Variants in TRPC5 observed in about 807,000 individuals in gnomAD.
TRPC5 encodes short transient receptor potential channel 5.
A neutral mutation model predicts 56.5 loss-of-function variants in TRPC5; 9 were observed. The ratio of observed to expected loss-of-function variants is 0.16; its 90% CI spans 0.10 to 0.28. The LOEUF is 0.28. Ranked by LOEUF, TRPC5 falls within the 10% of genes least tolerant of loss-of-function variation. The probability of loss-of-function intolerance (pLI) is 1.00; values close to 1 mark genes in which losing one functional copy is unlikely to be tolerated. For missense variants in TRPC5, 469 were observed against 748.9 expected (o/e 0.63, Z 4.36); for synonymous variants, 282 against 278.5 (o/e 1.01, Z -0.13).
intron 1 of TRPC5, among the ~76,000 whole-genome samples, chrX:112,028,169 C>A (rs1265275714): frequency 2.7e-5 from 3 of 112,226 alleles, no homozygotes; most frequent in Non-Finnish European, 5.6e-5. Flanking sequence ...AAGGAATACT[C>A]AAGTTCAAAG....
intron 1 of TRPC5, among the ~76,000 whole-genome samples, chrX:111,979,353 T>A (rs1007133392): frequency 9.0e-6 from 1 of 111,429 alleles, no homozygotes; most frequent in Non-Finnish European, 1.9e-5. Context: ...GTGTAAGGCC[T>A]AAAATCATAA....
chrX:111,793,065 AAT>A, intron 7 of TRPC5, among the ~76,000 whole-genome samples: 1 of 111,294 alleles, frequency 9.0e-6, no homozygotes, highest in Non-Finnish European at 1.9e-5. Context: ...GGGAGTCATC[AAT>A]GGTAAGCAGA....
chrX:112,035,616 A>G (rs1929715692), intron 1 of TRPC5, among the ~76,000 whole-genome samples: 1 of 109,103 alleles, frequency 9.2e-6, no homozygotes, highest in Non-Finnish European at 1.9e-5. Flanking sequence ...TTATGTGTAT[A>G]TGTTATTTAT....
At chrX:111,919,358 G>A (rs1454045931) in intron 2 of TRPC5, among the ~76,000 whole-genome samples, 1 of 111,816 alleles carries the variant, frequency 8.9e-6, no homozygotes, top group Non-Finnish European at 1.9e-5. Flanking sequence ...ACCCGCTCGG[G>A]TCCCCTTCCA....
rs1000825649 is a variant in TRPC5, at chrX:112,073,909, C to A, written c.-22+7970G>T. On this transcript the variant is annotated intron_variant, in intron 1 of 10. Coordinates refer to ENST00000262839, the MANE Select transcript of TRPC5 (RefSeq NM_012471.3). Reference sequence around the variant, plus strand: ...CATCACACATCACACAGCCATTCAACATTATTGTTTCTTTACAGTGTATTT... The same window carrying A: ...CATCACACATCACACAGCCATTCAAAATTATTGTTTCTTTACAGTGTATTT... 3.4e-4 allele frequency among the ~76,000 whole-genome samples: 38 copies of A among 111,854 alleles called. 1 individual carries two copies. Among genetic ancestry groups the A allele is most frequent in the Non-Finnish European group, 1.3e-4 (7 of 53,221 alleles).
At chrX:112,017,427 C>T (rs1333424314) in intron 1 of TRPC5, among the ~76,000 whole-genome samples, 1 of 110,811 alleles carries the variant, frequency 9.0e-6, no homozygotes, top group Non-Finnish European at 1.9e-5. Flanking sequence ...ATTTTCGGCC[C>T]CAGTGATAGC....
chrX:111,963,283 C>T (rs1603119735), intron 1 of TRPC5, among the ~76,000 whole-genome samples: 1 of 112,401 alleles, frequency 8.9e-6, no homozygotes, highest in African/African-American at 3.2e-5. Context: ...GGGAGGGGCG[C>T]CTGCCATTGC....
chrX:111,783,456 T>C (rs1035009383), intron 7 of TRPC5, among the ~76,000 whole-genome samples: 4 of 111,279 alleles, frequency 3.6e-5, no homozygotes, highest in African/African-American at 1.3e-4. Flanking sequence ...TTTTAAAGTT[T>C]AGTCATTCTA....
At position 111,882,719 on chromosome X, in the gene TRPC5, A is replaced by G. The variant is rs188418313; in HGVS notation, c.901-28613T>C. 3.0e-3 allele frequency among the ~76,000 whole-genome samples: 339 copies of G among 112,689 alleles called. 1 individual carries two copies. The highest frequency in any genetic ancestry group is 0.014 in the Middle Eastern group (3 of 217). ...TCTCACCAGGGGCTAAGCCCACCTA[A>G]GGCCTACTCAGATATCAGTTAGGTG... On this transcript the variant is annotated intron_variant, in intron 3 of 10. Coordinates refer to ENST00000262839, the MANE Select transcript of TRPC5 (RefSeq NM_012471.3).
At chrX:111,787,645 A>G (rs1305714204) in intron 7 of TRPC5, among the ~76,000 whole-genome samples, 2 of 111,087 alleles carry the variant, frequency 1.8e-5, no homozygotes, top group African/African-American at 3.3e-5. Flanking sequence ...GAAAAGATCA[A>G]CAAAATTGAT....
At chrX:111,841,239 C>T (rs1922720015) in intron 6 of TRPC5, among the ~76,000 whole-genome samples, 1 of 112,289 alleles carries the variant, frequency 8.9e-6, no homozygotes, top group African/African-American at 3.2e-5. Flanking sequence ...TCACAGTGGC[C>T]TGCTAGGTCA....
At chrX:111,795,297 G>A (rs901482443) in intron 7 of TRPC5, among the ~76,000 whole-genome samples, 1 of 110,525 alleles carries the variant, frequency 9.0e-6, no homozygotes, top group African/African-American at 3.3e-5. Context: ...TTTATATCAG[G>A]TTGTGGAAGT....
chrX:111,786,861 G>C (rs1243296439), intron 7 of TRPC5, among the ~76,000 whole-genome samples: 1 of 111,801 alleles, frequency 8.9e-6, no homozygotes, highest in African/African-American at 3.3e-5. Flanking sequence ...AACAAGAAGA[G>C]CTAGCTATCC....
chrX:111,854,993 T>G (rs1923184580), intron 3 of TRPC5, among the ~76,000 whole-genome samples: 1 of 112,102 alleles, frequency 8.9e-6, no homozygotes, highest in Admixed American at 9.5e-5. Context: ...ATCCAGCTGC[T>G]ACTTCCTGGT....
chrX:111,906,415 T>C (rs773953412), intron 3 of TRPC5, among the ~76,000 whole-genome samples: 69 of 110,036 alleles, frequency 6.3e-4, no homozygotes, highest in Middle Eastern at 4.7e-3. Context: ...CGCGTGTAAA[T>C]ACACATACCT....
chrX:111,905,613 C>T (rs1276977375), intron 3 of TRPC5, among the ~76,000 whole-genome samples: 1 of 111,438 alleles, frequency 9.0e-6, no homozygotes, highest in Non-Finnish European at 1.9e-5. Flanking sequence ...TCTTAAAGAC[C>T]CTAGAAAAAT....
Position 111,778,843 on chromosome X carries a change from C to G in TRPC5, c.2232+142G>C, listed in dbSNP as rs1324349416. 14 of 384,909 alleles carry G rather than the reference C, an allele frequency of 3.6e-5. No homozygotes were observed. In the Admixed American group the frequency reaches 6.5e-4, roughly 18 times the overall value. 31.7% of individuals were successfully genotyped at this position (384,909 alleles called of 1,213,427 possible). A position where few individuals can be genotyped will look rare whatever the true frequency, so the allele number is the denominator to read the frequency against. ...ATCTCTCCGTCTACTGGATGAGAGACAATTCTAAGAGAATAAGCATTATAA... is the reference window on the plus strand; with the variant it reads ...ATCTCTCCGTCTACTGGATGAGAGAGAATTCTAAGAGAATAAGCATTATAA... On this transcript the variant is annotated intron_variant, in intron 10 of 10. Coordinates refer to ENST00000262839, the MANE Select transcript of TRPC5 (RefSeq NM_012471.3).
intron 7 of TRPC5, among the ~76,000 whole-genome samples, chrX:111,795,840 A>G (rs1024796007): frequency 1.8e-5 from 2 of 111,331 alleles, no homozygotes; most frequent in Admixed American, 1.9e-4. Context: ...TCCATTATGT[A>G]TATGTTGGTA....
chrX:111,914,585 T>C (rs1448574062), intron 2 of TRPC5, among the ~76,000 whole-genome samples: 1 of 112,028 alleles, frequency 8.9e-6, no homozygotes, highest in Admixed American at 9.5e-5. Context: ...TGCATCAGCC[T>C]CTGAATAGTT....
Sources: allele counts gnomAD v4.1 joint callset (sites outside exome capture counted in the v4.1 genomes callset), GRCh38; gene constraint gnomAD v4.1.1; transcripts MANE v1.5; gene names NCBI Gene and HGNC (gene_info 2026-07-23, HGNC 2026-07-21).